The following KCNT1 variants were observed in gnomAD, a reference collection of about 807,000 sequenced individuals.
KCNT1 encodes potassium channel subfamily T member 1.
In KCNT1, 78 loss-of-function variants were observed where a neutral mutation model predicts 147.8. That is an observed-to-expected ratio of 0.53 (90% CI 0.44 to 0.64). The LOEUF (loss-of-function observed/expected upper bound fraction) is 0.64, where lower values mean the gene tolerates loss of function less well. KCNT1 is among the 30% of genes least tolerant of loss of function. The pLI is 0.00. For synonymous variants in KCNT1, 867 were observed against 748.8 expected, an observed-to-expected ratio of 1.16 and a Z score of -2.58; for missense variants, 1,419 against 1,750.3, an observed-to-expected ratio of 0.81 and a Z score of 3.38.
In KCNT1 at chr9:135,758,620, A is replaced by G. The variant is rs1167464658; in HGVS notation, c.854+112A>G. ...TATGTCCAAGCTATCGGGGCAGAAA[A>G]GGCCACAGTGCCTGGGCTGCGGGTG... On this transcript the variant is annotated intron_variant, in intron 10 of 30. Coordinates refer to ENST00000371757, the MANE Select transcript of KCNT1 (RefSeq NM_020822.3). 4 of 861,016 alleles carry G rather than the reference A, an allele frequency of 4.6e-6. No individual in the cohort carries two copies. In the Admixed American group the frequency reaches 5.9e-5, roughly 13 times the overall value. The allele number at this position is 861,016 out of a possible 1,614,324, so 53.3% of individuals were successfully genotyped here. A position where few individuals can be genotyped will look rare whatever the true frequency, so the allele number is the denominator to read the frequency against.
At chr9:135,726,985 CTCTCCCTCTCTCCCT>C (rs1836196194) in intron 2 of KCNT1, among the ~76,000 whole-genome samples, 1 of 130,874 alleles carries the variant, frequency 7.6e-6, no homozygotes, top group Non-Finnish European at 1.6e-5. Context: ...CCCATTCTCT[CTCTCCCTCTCTCCCT>C]CTCTCTTTCC....
At position 135,702,359 on chromosome 9, in the gene KCNT1, G is replaced by A; in HGVS notation, c.101G>A (p.Cys34Tyr). The change falls in exon 1 of 31, where the codon TGC becomes TAC. Residue 34 changes from cysteine (C) to tyrosine (Y), a missense_variant. By Grantham distance (194) the Cys-to-Tyr change is radical. Coordinates refer to ENST00000371757, the MANE Select transcript of KCNT1 (RefSeq NM_020822.3). ...NRTFEFDDGQ[C>Y]APRRPCAGDG... ...ACCTTCGAGTTTGACGACGGCCAAT[G>A]CGCCCCCAGGTACAGTCTGCTGCGC... 6.2e-7 allele frequency: 1 copy of A among 1,610,954 alleles called. No homozygotes were observed. Among genetic ancestry groups the A allele is most frequent in the Non-Finnish European group, 8.5e-7 (1 of 1,178,780 alleles).
intron 29 of KCNT1, among the ~76,000 whole-genome samples, chr9:135,788,336 G>A (rs878985904): frequency 1.3e-5 from 2 of 152,270 alleles, no homozygotes; most frequent in South Asian, 4.1e-4. Flanking sequence ...CCGACAGAGT[G>A]TCCCCTGGCT....
rs969781457 is a variant in KCNT1 at position 135,793,281 on chromosome 9, A to C, written c.*1120A>C. Reference sequence around the variant, plus strand: ...GCCCCCATTCCCCAGCCAGGCCAGGACAGTCCTTCCAAAACTCGGGAACCA... The same window carrying C: ...GCCCCCATTCCCCAGCCAGGCCAGGCCAGTCCTTCCAAAACTCGGGAACCA... On this transcript the variant is annotated 3_prime_UTR_variant, in exon 31 of 31. Coordinates refer to ENST00000371757, the MANE Select transcript of KCNT1 (RefSeq NM_020822.3). The C allele has an allele frequency of 5.3e-5, 8 of 152,140 alleles. No individual in the cohort carries two copies. Among genetic ancestry groups the C allele is most frequent in the Non-Finnish European group, 7.4e-5 (5 of 68,002 alleles). 9.4% of individuals were successfully genotyped at this position (152,140 alleles called of 1,614,324 possible).
chr9:135,784,680 C>G (rs535292728), intron 26 of KCNT1, 62 bp downstream of exon 26: 2 of 1,608,454 alleles, frequency 1.2e-6, no homozygotes, highest in South Asian at 2.2e-5. Flanking sequence ...GGTGGATGGG[C>G]ACCTGCCCCT....
intron 7 of KCNT1, 38 bp from the exon 8 acceptor site, chr9:135,757,118 C>CA: frequency 7.0e-7 from 1 of 1,432,506 alleles, no homozygotes; most frequent in Non-Finnish European, 9.7e-7. Context: ...CACCCCCACC[C>CA]TCCATCGCCC....
rs1588343193 is a variant in KCNT1, at chr9:135,765,181, C to T, written c.1186C>T (p.His396Tyr). 2 of 1,612,208 alleles carry T rather than the reference C, an allele frequency of 1.2e-6. No individual in the cohort carries two copies. The highest frequency in any genetic ancestry group is 1.7e-6 in the Non-Finnish European group (2 of 1,178,972). ...LMDFLNEFYA[H>Y]PRLQDYYVVI... is the part of the protein sequence containing the mutation. ...GGACTTCCTGAACGAGTTCTACGCC[C>T]ACCCCCGGCTCCAGGTGAGGCCCCT... The change falls in exon 12 of 31, where the codon CAC (histidine) becomes TAC (tyrosine). Residue 396 changes from histidine to tyrosine, a missense_variant. Physicochemically the swap from His to Tyr is moderately conservative, Grantham distance 83. Coordinates refer to ENST00000371757, the MANE Select transcript of KCNT1 (RefSeq NM_020822.3).
chr9:135,760,042 G>T (rs1239832786), intron 11 of KCNT1, among the ~76,000 whole-genome samples, 183 bp downstream of exon 11: 1 of 152,178 alleles, frequency 6.6e-6, no homozygotes, highest in East Asian at 1.9e-4. Flanking sequence ...GGCGGGTCCG[G>T]TGGTGCTCAG....
intron 24 of KCNT1, among the ~76,000 whole-genome samples, chr9:135,780,538 A>G (rs892264800): frequency 2.0e-5 from 3 of 152,204 alleles, no homozygotes; most frequent in Non-Finnish European, 2.9e-5. Flanking sequence ...GCCCCAGAGA[A>G]GCGAGAGGAG....
chr9:135,747,002 C>T (rs933032127), intron 2 of KCNT1, among the ~76,000 whole-genome samples: 5 of 151,818 alleles, frequency 3.3e-5, no homozygotes, highest in Admixed American at 1.3e-4. Context: ...GAGGGGGAGC[C>T]GGTGGATGCC....
chr9:135,714,417 G>T lies in KCNT1; in HGVS notation c.111-160G>T, dbSNP rs1319145544. ...CAGCCGGTCCCGCGCGCCCCCGCCC[G>T]CATGTGCCGCCAGGCCCGCCCCCGC... is the stretch of plus-strand genomic sequence containing the variant. On this transcript the variant is annotated intron_variant, in intron 1 of 30. Coordinates refer to ENST00000371757, the MANE Select transcript of KCNT1 (RefSeq NM_020822.3). This position sits in a 1 kb window ranked among gnomAD's most constrained non-coding sequence, Gnocchi z 6.2. The T allele has an allele frequency of 6.5e-5, 13 of 199,040 alleles. No homozygotes were observed. The highest frequency in any genetic ancestry group is 1.1e-4 in the Non-Finnish European group (13 of 115,984). 12.3% of individuals were successfully genotyped at this position (199,040 alleles called of 1,614,324 possible). A position where few individuals can be genotyped will look rare whatever the true frequency, so the allele number is the denominator to read the frequency against.
chr9:135,774,906 T>TCCTCCAGTCC (rs937428112), intron 19 of KCNT1, among the ~76,000 whole-genome samples: 3 of 152,062 alleles, frequency 2.0e-5, no homozygotes, highest in Non-Finnish European at 2.9e-5. Flanking sequence ...CCCCTCGGTC[T>TCCTCCAGTCC]CCTCCAGTCC....
At chr9:135,710,894 G>A (rs561410125) in intron 1 of KCNT1, among the ~76,000 whole-genome samples, 34 of 152,286 alleles carry the variant, frequency 2.2e-4, no homozygotes, top group African/African-American at 6.3e-4. Flanking sequence ...TTCCGCCAGC[G>A]ACAGCTTCCA....
At chr9:135,727,046 T>TCC (rs1313629767) in intron 2 of KCNT1, among the ~76,000 whole-genome samples, 7 of 18,220 alleles carry the variant, frequency 3.8e-4, no homozygotes, top group East Asian at 1.5e-3. Flanking sequence ...ATTCTCTCTC[T>TCC]CTCTCCCTCT....
At position 135,784,096 on chromosome 9, in the gene KCNT1, A is replaced by G. The variant is rs1259390434; in HGVS notation, c.2914A>G (p.Ile972Val). ...LPFAAGRVFS[I>V]SMLDTLLYQS... Reference sequence around the variant, plus strand: ...GTTCGCCGCCGGCCGCGTCTTCAGCATCAGCATGTTGGACACACTGCTCTA... The same window carrying G: ...GTTCGCCGCCGGCCGCGTCTTCAGCGTCAGCATGTTGGACACACTGCTCTA... Residue 972 changes from isoleucine (I) to valine (V), a missense_variant, in exon 25 of 31, where the codon ATC becomes GTC. This residue lies in a region of KCNT1 where 247 missense variants were observed against 397.1 expected (regional missense o/e 0.62). Transcript: ENST00000371757. The G allele has an allele frequency of 5.6e-6, 9 of 1,605,328 alleles. No homozygotes were observed. The highest frequency in any genetic ancestry group is 5.1e-6 in the Non-Finnish European group (6 of 1,179,954).
At chr9:135,731,960 GTATATATATATA>G (rs776201547) in intron 2 of KCNT1, among the ~76,000 whole-genome samples, 971 of 41,444 alleles carry the variant, frequency 0.023, 83 homozygotes, top group African/African-American at 0.053. Context: ...AAATATGCGT[GTATATATATATA>G]TATATATATA....
chr9:135,707,056 G>C (rs888216838), intron 1 of KCNT1, among the ~76,000 whole-genome samples: 1 of 151,644 alleles, frequency 6.6e-6, no homozygotes, highest in African/African-American at 2.4e-5. Flanking sequence ...AGGCTAAGGC[G>C]GGAGGATTGT....
chr9:135,785,866 A>G, intron 28 of KCNT1: 5 of 462,428 alleles, frequency 1.1e-5, no homozygotes. Flanking sequence ...GCTGGGGTCC[A>G]GATGGGTCCC....
chr9:135,763,813 C>T (rs754495700), intron 11 of KCNT1, among the ~76,000 whole-genome samples: 20 of 152,128 alleles, frequency 1.3e-4, no homozygotes, highest in African/African-American at 2.2e-4. Flanking sequence ...ACGGAGCTGC[C>T]GTCATTAGCT....
Sources: gnomAD v4.1 joint callset for allele counts (sites outside exome capture counted in the v4.1 genomes callset) on GRCh38, gnomAD v4.1.1 for gene constraint, gnomAD v4.1.1 regional missense constraint, Gnocchi (gnomAD v3.1) non-coding constraint, MANE v1.5 for transcripts, NCBI Gene and HGNC (gene_info 2026-07-23, HGNC 2026-07-21) for gene names.